FXYD3: variants seen among roughly 807,000 people sequenced by gnomAD.
FXYD3 encodes FXYD domain-containing ion transport regulator 3.
A neutral mutation model predicts 19.2 loss-of-function variants in FXYD3; 13 were observed. That is an observed-to-expected ratio of 0.68 (90% CI 0.44 to 1.08). FXYD3 has a LOEUF of 1.08. Ranked by LOEUF, FXYD3 falls within the 50% of genes least tolerant of loss-of-function variation. The pLI, the probability that FXYD3 is intolerant of heterozygous loss-of-function variation, is 0.00. For missense variants in FXYD3, 101 were observed against 109.4 expected (o/e 0.92, Z 0.34); for synonymous variants, 48 against 38.9 (o/e 1.23, Z -0.87).
rs758570850 is a variant in FXYD3, at chr19:35,122,706, G to A, written c.98-59G>A. ...CTCCATATATATTTGTCAAGAGAAT[G>A]GGGGGACAGATGGAGAGGACACAGG... On this transcript the variant is annotated intron_variant, in intron 5 of 8. Coordinates refer to ENST00000604404, the MANE Select transcript of FXYD3 (RefSeq NM_005971.4). 11 of 1,345,126 alleles carry A rather than the reference G, an allele frequency of 8.2e-6. No individual in the cohort carries two copies. The South Asian group carries it at 9.3e-5, about 11-fold the overall frequency. 83.3% of individuals were successfully genotyped at this position (1,345,126 alleles called of 1,614,324 possible).
chr19:35,123,090 G>A, intron 7 of FXYD3, 136 bp downstream of exon 7: 1 of 1,457,714 alleles, frequency 6.9e-7, no homozygotes, highest in Non-Finnish European at 9.1e-7. Flanking sequence ...CAGGTTTATT[G>A]TTTCTAGCTG....
chr19:35,123,168 A>T, intron 7 of FXYD3, 103 bp from the exon 8 acceptor site: 1 of 1,506,596 alleles, frequency 6.6e-7, no homozygotes, highest in Non-Finnish European at 8.9e-7. Flanking sequence ...CCCCAAATGG[A>T]AAGGCAGCCA....
At chr19:35,117,137 T>C (rs1210522490) in intron 2 of FXYD3, 1 of 1,329,646 alleles carries the variant, frequency 7.5e-7, no homozygotes, top group Non-Finnish European at 9.6e-7. Context: ...ACCAACCACA[T>C]CAGTTCGGGA....
chr19:35,124,302 T>C lies in FXYD3; in HGVS notation c.*845T>C, dbSNP rs1438427608. On this transcript the variant is annotated 3_prime_UTR_variant, in exon 9 of 9. Transcript: ENST00000604404. Reference sequence around the variant, plus strand: ...CATGAACCCAAAAAGAGACCCACAATAAACTCGTGACTTGTCCCCTCATCA... The same window carrying C: ...CATGAACCCAAAAAGAGACCCACAACAAACTCGTGACTTGTCCCCTCATCA... The C allele has an allele frequency of 2.0e-5, 3 of 152,138 alleles. No homozygotes were observed. The highest frequency in any genetic ancestry group is 7.2e-5 in the African/African-American group (3 of 41,414). The allele number at this position is 152,138 out of a possible 1,614,324, so 9.4% of individuals were successfully genotyped here.
At chr19:35,123,009 G>T (rs1279608154) in intron 7 of FXYD3, 55 bp downstream of exon 7, 39 of 1,529,066 alleles carry the variant, frequency 2.6e-5, no homozygotes, top group Non-Finnish European at 3.2e-5. Context: ...TTTTCAGGGT[G>T]AAAGGGCTAA....
chr19:35,118,408 C>A, intron 2 of FXYD3: 1 of 815,540 alleles, frequency 1.2e-6, no homozygotes, highest in Non-Finnish European at 1.5e-6. Context: ...AGCATTTGGG[C>A]AGGGACAGGG....
In FXYD3 at chr19:35,124,275, A is replaced by G. The variant is rs12852; in HGVS notation, c.*818A>G. ...AAAAATATCTCCTCCAATGTCCTGAAACATGAACCCAAAAAGAGACCCACA... is the reference window on the plus strand; with the variant it reads ...AAAAATATCTCCTCCAATGTCCTGAGACATGAACCCAAAAAGAGACCCACA... On this transcript the variant is annotated 3_prime_UTR_variant, in exon 9 of 9. Transcript: ENST00000604404. 92,335 of 152,038 alleles carry G rather than the reference A, an allele frequency of 0.61. 28,427 individuals are homozygous for G. Among genetic ancestry groups the G allele is most frequent in the South Asian group, 0.71 (3,440 of 4,822 alleles). 9.4% of individuals were successfully genotyped at this position (152,038 alleles called of 1,614,324 possible). A position where few individuals can be genotyped will look rare whatever the true frequency, so the allele number is the denominator to read the frequency against.
chr19:35,119,000 A>G (rs1489957276), intron 2 of FXYD3, among the ~76,000 whole-genome samples: 1 of 152,120 alleles, frequency 6.6e-6, no homozygotes, highest in Non-Finnish European at 1.5e-5. Context: ...CCTGGCTTAA[A>G]TCCTACTTCC....
chr19:35,123,015 G>T lies in FXYD3; in HGVS notation c.209+61G>T. The T allele has an allele frequency of 2.0e-6, 3 of 1,520,610 alleles. No individual in the cohort carries two copies. The East Asian group carries it at 6.9e-5, about 35-fold the overall frequency. The allele number at this position is 1,520,610 out of a possible 1,614,324, so 94.2% of individuals were successfully genotyped here. ...ACTGGACGCTTTTCAGGGTGAAAGGGCTAACTCTCCCAGCAGGAGAGGCCT... is the reference window on the plus strand; with the variant it reads ...ACTGGACGCTTTTCAGGGTGAAAGGTCTAACTCTCCCAGCAGGAGAGGCCT... On this transcript the variant is annotated intron_variant, in intron 7 of 8. Coordinates refer to ENST00000604404, the MANE Select transcript of FXYD3 (RefSeq NM_005971.4).
chr19:35,118,735 G>GGGGGAC, intron 2 of FXYD3: 1 of 281,834 alleles, frequency 3.5e-6, no homozygotes, highest in Non-Finnish European at 6.1e-6. Flanking sequence ...AGGAGGTAGA[G>GGGGGAC]TCCCCCTCTA....
At chr19:35,117,142 T>C in intron 2 of FXYD3, 1 of 1,340,548 alleles carries the variant, frequency 7.5e-7, no homozygotes, top group Non-Finnish European at 9.5e-7. Flanking sequence ...CCACATCAGT[T>C]CGGGAGCAGC....
intron 2 of FXYD3, chr19:35,118,675 A>G: frequency 1.5e-6 from 1 of 674,824 alleles, no homozygotes; most frequent in South Asian, 5.4e-5. Context: ...TGGGTGTGGG[A>G]TGAGGGGCAG....
intron 2 of FXYD3, 61 bp from the exon 3 acceptor site, chr19:35,119,302 C>T (rs2064978779): frequency 1.2e-6 from 2 of 1,608,878 alleles, no homozygotes; most frequent in South Asian, 1.1e-5. Context: ...TGGGGAGCCA[C>T]AGGCACAGGG....
At chr19:35,122,271 C>A (rs545290204) in intron 5 of FXYD3, among the ~76,000 whole-genome samples, 59 of 152,020 alleles carry the variant, frequency 3.9e-4, no homozygotes, top group Non-Finnish European at 7.6e-4. Context: ...TCTCCAGCCT[C>A]AGCCTGCTGA....
chr19:35,120,068 A>G (rs1359081807), intron 3 of FXYD3, among the ~76,000 whole-genome samples: 1 of 152,172 alleles, frequency 6.6e-6, no homozygotes, highest in African/African-American at 2.4e-5. Context: ...CCAGTTCTCT[A>G]AAAACTTCAA....
chr19:35,118,646 G>GTC, intron 2 of FXYD3: 1 of 913,380 alleles, frequency 1.1e-6, no homozygotes, highest in Non-Finnish European at 1.3e-6. Flanking sequence ...CAGAGCCAGG[G>GTC]CTGGGACCGG....
intron 2 of FXYD3, chr19:35,118,187 C>T (rs968002514): frequency 6.6e-6 from 1 of 152,324 alleles, no homozygotes; most frequent in Admixed American, 6.6e-5. Context: ...GAAACCCTGG[C>T]TCTACCAAAA....
chr19:35,116,654 T>G, intron 2 of FXYD3: 2 of 985,014 alleles, frequency 2.0e-6, no homozygotes, highest in Non-Finnish European at 2.4e-6. Flanking sequence ...ATATCTGGGT[T>G]GGGGATAGCT....
At position 35,121,491 on chromosome 19, in the gene FXYD3, A is replaced by G. The variant is rs181044343; in HGVS notation, c.97+246A>G. On this transcript the variant is annotated intron_variant, in intron 5 of 8. Transcript: ENST00000604404. The stretch of plus-strand genomic sequence containing the variant: ...AGGTGAGGACAGTTTGCAAGAAGCC[A>G]TTGGTTGGTTCAGATCAACTGCTGG... The G allele has an allele frequency of 4.8e-4, 692 of 1,440,056 alleles. 5 individuals are homozygous for G. The highest frequency in any genetic ancestry group is 8.1e-4 in the South Asian group (54 of 66,732). 89.2% of individuals were successfully genotyped at this position (1,440,056 alleles called of 1,614,324 possible). A position where few individuals can be genotyped will look rare whatever the true frequency, so the allele number is the denominator to read the frequency against.
Sources: allele counts gnomAD v4.1 joint callset (sites outside exome capture counted in the v4.1 genomes callset), GRCh38; gene constraint gnomAD v4.1.1; transcripts MANE v1.5; gene names NCBI Gene and HGNC (gene_info 2026-07-23, HGNC 2026-07-21).